Variants in HMMR observed in about 807,000 individuals in gnomAD.
The protein encoded by HMMR is intracellular hyaluronic acid-binding protein.
A neutral mutation model predicts 101.0 loss-of-function variants in HMMR; 108 were observed. The ratio of observed to expected loss-of-function variants is 1.07; its 90% confidence interval spans 0.92 to 1.25. The LOEUF (loss-of-function observed/expected upper bound fraction) is 1.25. Among genes scored for constraint, HMMR ranks in the 50% most tolerant of loss-of-function variants. HMMR has a pLI of 0.00. For synonymous variants in HMMR, 296 were observed against 276.4 expected (o/e 1.07, Z -0.70); for missense variants, 813 against 788.7 (o/e 1.03, Z -0.37).
intron 16 of HMMR, among the ~76,000 whole-genome samples, chr5:163,488,237 G>A (rs1453710286): frequency 6.6e-6 from 1 of 152,062 alleles, no homozygotes; most frequent in Non-Finnish European, 1.5e-5. Context: ...TGCATTGCAT[G>A]ATACTGAGGT....
intron 1 of HMMR, among the ~76,000 whole-genome samples, chr5:163,461,662 T>C (rs997533965): frequency 1.3e-5 from 2 of 151,614 alleles, no homozygotes; most frequent in Non-Finnish European, 2.9e-5. Context: ...CGGGCGCCTG[T>C]AGTCCCAGCT....
chr5:163,466,368 C>A (rs1758707826), intron 3 of HMMR, among the ~76,000 whole-genome samples: 1 of 152,170 alleles, frequency 6.6e-6, no homozygotes. Context: ...ATTCATTTGG[C>A]AGTTGCCTAA....
Position 163,478,734 on chromosome 5 carries a change from T to C in HMMR, c.1319T>C (p.Leu440Pro). 1 of 1,613,712 alleles carries C rather than the reference T, an allele frequency of 6.2e-7. No individual in the cohort carries two copies. Among genetic ancestry groups the C allele is most frequent in the Non-Finnish European group, 8.5e-7 (1 of 1,179,612 alleles). ...AGTGCTGCTCATACCCAGGCCACCC[T>C]GCTTTTGCAGGAAAAGTATGACAGT... ...KSSAAHTQAT[L>P]LLQEKYDSMV... Residue 440 changes from leucine to proline, a missense_variant, in exon 12 of 18, where the codon CTG (leucine) becomes CCG (proline). Coordinates refer to ENST00000393915, the MANE Select transcript of HMMR (RefSeq NM_001142556.2).
intron 3 of HMMR, among the ~76,000 whole-genome samples, chr5:163,466,570 G>A (rs1442571752): frequency 6.6e-6 from 1 of 152,118 alleles, no homozygotes; most frequent in Non-Finnish European, 1.5e-5. Flanking sequence ...GGAACAACTT[G>A]AGTATGTGAA....
At position 163,469,656 on chromosome 5, in the gene HMMR, C is replaced by G; in HGVS notation, c.289C>G (p.Gln97Glu). 2 of 1,611,518 alleles carry G rather than the reference C, an allele frequency of 1.2e-6. No individual in the cohort carries two copies. Among genetic ancestry groups the G allele is most frequent in the Non-Finnish European group, 1.7e-6 (2 of 1,179,260 alleles). The change falls in exon 5 of 18, where the codon CAG becomes GAG. Residue 97 changes from glutamine (Q) to glutamate (E), a missense_variant. By Grantham distance (29) the Gln-to-Glu change is conservative (BLOSUM62 2). Transcript: ENST00000393915. The part of the protein sequence containing the change: ...ILEKEIRVLL[Q>E]ERGAQDRRIQ... ...TTTTGTCCAGATTCGTGTTCTTCTA[C>G]AGGAACGTGGTGCCCAGGACAGGCG...
chr5:163,469,785 C>A lies in HMMR; in HGVS notation c.418C>A (p.Gln140Lys). The A allele has an allele frequency of 1.2e-6, 2 of 1,611,344 alleles. No individual in the cohort carries two copies. Among genetic ancestry groups the A allele is most frequent in the Middle Eastern group, 1.7e-4 (1 of 6,060 alleles). The change falls in exon 5 of 18, where the codon CAA (glutamine) becomes AAA (lysine). Residue 140 changes from glutamine to lysine, a missense_variant. Physicochemically the swap from Gln to Lys is moderately conservative, Grantham distance 53. Coordinates refer to ENST00000393915, the MANE Select transcript of HMMR (RefSeq NM_001142556.2). ...TGCAAATAATGCTACACTGGAAAAACAACTTATTGAATTGACCAGGACTAA... is the reference window on the plus strand; with the variant it reads ...TGCAAATAATGCTACACTGGAAAAAAAACTTATTGAATTGACCAGGACTAA... ...LSANNATLEK[Q>K]LIELTRTNEL...
intron 12 of HMMR, among the ~76,000 whole-genome samples, chr5:163,480,658 A>G (rs994219547): frequency 2.4e-4 from 36 of 152,180 alleles, no homozygotes; most frequent in Admixed American, 1.6e-3. Flanking sequence ...ATAAGTTTCC[A>G]TTTATCTTCT....
At chr5:163,478,555 A>T in intron 11 of HMMR, 129 bp from the exon 12 acceptor site, 1 of 642,046 alleles carries the variant, frequency 1.6e-6, no homozygotes, top group Non-Finnish European at 2.8e-6. Context: ...GATCTGAGCT[A>T]TTTAGCAGGT....
chr5:163,464,241 G>A (rs1175490930), intron 2 of HMMR, among the ~76,000 whole-genome samples: 2 of 152,132 alleles, frequency 1.3e-5, no homozygotes, highest in Non-Finnish European at 2.9e-5. Context: ...AAAGGTGTTA[G>A]ATGTGTAAAA....
intron 11 of HMMR, 126 bp downstream of exon 11, chr5:163,475,798 T>A: frequency 2.3e-6 from 1 of 443,716 alleles, no homozygotes; most frequent in South Asian, 4.9e-5. Flanking sequence ...AATTAAGTAG[T>A]AATTATTAAT....
intron 5 of HMMR, among the ~76,000 whole-genome samples, chr5:163,470,768 T>A (rs994599221): frequency 6.6e-6 from 1 of 152,156 alleles, no homozygotes; most frequent in Non-Finnish European, 1.5e-5. Flanking sequence ...GGCTGGAGAA[T>A]TGCTTGAGGC....
chr5:163,465,635 A>G (rs1459062676), intron 3 of HMMR, among the ~76,000 whole-genome samples: 3 of 152,074 alleles, frequency 2.0e-5, no homozygotes, highest in Non-Finnish European at 2.9e-5. Flanking sequence ...GGTGTTGTCC[A>G]CCACACCCAG....
At chr5:163,473,322 G>C (rs1581192881) in intron 8 of HMMR, 57 bp from the exon 9 acceptor site, 1 of 1,518,852 alleles carries the variant, frequency 6.6e-7, no homozygotes, top group African/African-American at 1.4e-5. Context: ...TCATTTTTCT[G>C]TTATTTTCCC....
chr5:163,474,820 G>T (rs1759016061), intron 10 of HMMR, among the ~76,000 whole-genome samples: 1 of 152,014 alleles, frequency 6.6e-6, no homozygotes, highest in Non-Finnish European at 1.5e-5. Flanking sequence ...TATAGTGTTG[G>T]ACAACCTACA....
At chr5:163,462,019 G>C (rs1370552340) in intron 1 of HMMR, among the ~76,000 whole-genome samples, 2 of 152,104 alleles carry the variant, frequency 1.3e-5, no homozygotes, top group African/African-American at 4.8e-5. Context: ...GTCAGCCAAC[G>C]TGTGAATGAA....
At chr5:163,464,865 T>C in intron 3 of HMMR, 63 bp downstream of exon 3, 1 of 990,176 alleles carries the variant, frequency 1.0e-6, no homozygotes, top group Non-Finnish European at 1.6e-6. Context: ...CTGAAAGTAT[T>C]GTATTTGATT....
chr5:163,491,028 T>C (rs1266800711), intron 17 of HMMR, 84 bp from the exon 18 acceptor site: 2 of 686,402 alleles, frequency 2.9e-6, no homozygotes, highest in African/African-American at 1.9e-5. Flanking sequence ...TTAAAGAAGA[T>C]ACAAGGCCTG....
rs780469897 is a variant in HMMR at position 163,475,722 on chromosome 5, T to C, written c.1268+50T>C. Reference sequence around the variant, plus strand: ...TTATGTATGACTTCAGATGTATTTATTTTGAGTACTTTTTTTAGTATTCTC... The same window carrying C: ...TTATGTATGACTTCAGATGTATTTACTTTGAGTACTTTTTTTAGTATTCTC... On this transcript the variant is annotated intron_variant, in intron 11 of 17. Coordinates refer to ENST00000393915, the MANE Select transcript of HMMR (RefSeq NM_001142556.2). 7.8e-5 allele frequency: 69 copies of C among 886,284 alleles called. 1 individual carries two copies. The highest frequency in any genetic ancestry group is 6.1e-4 in the South Asian group (31 of 50,496). 54.9% of individuals were successfully genotyped at this position (886,284 alleles called of 1,614,324 possible).
chr5:163,478,802 TA>T lies in HMMR; in HGVS notation c.1385+3del, dbSNP rs1229738646. On this transcript the variant is annotated splice_donor_region_variant and intron_variant, in intron 12 of 17. Transcript: ENST00000393915. ...AGATGTTACTGCTCAATTTGAAAGG[TA>T]TTTTTCTTGGGAGCCTGCACTCTTA... 1 of 1,535,206 alleles carries T rather than the reference TA, an allele frequency of 6.5e-7. No homozygotes were observed. Among genetic ancestry groups the T allele is most frequent in the East Asian group, 2.2e-5 (1 of 44,502 alleles).
Sources: allele counts gnomAD v4.1 joint callset (sites outside exome capture counted in the v4.1 genomes callset), GRCh38; gene constraint gnomAD v4.1.1; transcripts MANE v1.5; gene names NCBI Gene and HGNC (gene_info 2026-07-23, HGNC 2026-07-21).